PRUNE2: variants seen among roughly 807,000 people sequenced by gnomAD.
The protein encoded by PRUNE2 is prune homolog 2 with BCH domain.
In PRUNE2, 164 loss-of-function variants were observed where a neutral mutation model predicts 252.0. The observed-to-expected ratio is 0.65, with a 90% confidence interval of 0.57 to 0.74. The LOEUF (loss-of-function observed/expected upper bound fraction) is 0.74. PRUNE2 is among the 30% of genes least tolerant of loss of function. The probability of loss-of-function intolerance (pLI) is 0.00; values close to 1 mark genes in which losing one functional copy is unlikely to be tolerated. For missense variants in PRUNE2, 3,495 were observed against 3,711.0 expected, an observed-to-expected ratio of 0.94 and a Z score of 1.51; for synonymous variants, 1,292 against 1,350.2, an observed-to-expected ratio of 0.96 and a Z score of 0.94.
chr9:76,800,842 A>G (rs988190738), intron 6 of PRUNE2, among the ~76,000 whole-genome samples: 1 of 152,202 alleles, frequency 6.6e-6, no homozygotes, highest in Non-Finnish European at 1.5e-5. Context: ...ACTGAATAAC[A>G]TCTGAATAAA....
intron 4 of PRUNE2, among the ~76,000 whole-genome samples, chr9:76,837,805 T>C (rs2059118204): frequency 6.7e-6 from 1 of 149,098 alleles, no homozygotes; most frequent in Admixed American, 6.8e-5. Flanking sequence ...GGAGTCTTGC[T>C]CTGTCGCCCA....
chr9:76,637,416 A>G lies in PRUNE2; in HGVS notation c.8963+2T>C. On this transcript the variant is annotated splice_donor_variant, in intron 14 of 18. Coordinates refer to ENST00000376718, the MANE Select transcript of PRUNE2 (RefSeq NM_015225.3). LOFTEE classifies it high-confidence loss of function. ...AGTGATTAAATAATAGAGCCCACAT[A>G]CCGTCTGTCAATCATCTGGTAGCAT... 3.1e-6 allele frequency: 5 copies of G among 1,613,374 alleles called. No homozygotes were observed. In the East Asian group the frequency reaches 1.1e-4, roughly 36 times the overall value.
chr9:76,659,363 A>G, intron 9 of PRUNE2, among the ~76,000 whole-genome samples: 1 of 152,204 alleles, frequency 6.6e-6, no homozygotes, highest in East Asian at 1.9e-4. Flanking sequence ...TTACGTCTGG[A>G]TTGCTAAAGC....
chr9:76,905,938 T>G lies in PRUNE2; in HGVS notation c.26A>C (p.Lys9Thr). Residue 9 changes from lysine (K) to threonine (T), a missense_variant, in exon 1 of 19, where the codon AAA becomes ACA. Physicochemically the swap from Lys to Thr is moderately conservative, Grantham distance 78. Transcript: ENST00000376718. ...GCTCACTCAACTTACCAGTTTAGAT[T>G]TGGCGCGTTGCAAAAATTCTTCCAT... is the stretch of plus-strand genomic sequence containing the variant. MEEFLQRA[K>T]SKLNRSKRLE... 1 of 1,614,192 alleles carries G rather than the reference T, an allele frequency of 6.2e-7. No homozygotes were observed. The highest frequency in any genetic ancestry group is 8.5e-7 in the Non-Finnish European group (1 of 1,180,024).
chr9:76,858,596 T>C (rs911110355), intron 1 of PRUNE2, among the ~76,000 whole-genome samples: 4 of 151,820 alleles, frequency 2.6e-5, no homozygotes, highest in Non-Finnish European at 4.4e-5. Context: ...CATCACACAC[T>C]GGGGCCTGTC....
Position 76,707,896 on chromosome 9 carries a change from C to T in PRUNE2, c.4378G>A (p.Glu1460Lys), listed in dbSNP as rs2046423853. Residue 1460 changes from glutamate (E) to lysine (K), a missense_variant, in exon 8 of 19, where the codon GAA becomes AAA. Glu to Lys is a moderately conservative substitution (Grantham distance 56, BLOSUM62 1). Transcript: ENST00000376718. ...MNFTKYVSVPEKDLEKTEECN... is the reference protein window; with the variant it reads ...MNFTKYVSVPKKDLEKTEECN... The stretch of plus-strand genomic sequence containing the variant: ...TCTTCAGTTTTCTCAAGATCCTTTT[C>T]AGGTACAGATACATATTTTGTGAAA... The T allele has an allele frequency of 6.2e-7, 1 of 1,613,700 alleles. No homozygotes were observed. The highest frequency in any genetic ancestry group is 1.7e-5 in the Admixed American group (1 of 59,990).
chr9:76,801,606 T>C (rs2056561325), intron 6 of PRUNE2, among the ~76,000 whole-genome samples: 1 of 152,156 alleles, frequency 6.6e-6, no homozygotes, highest in Admixed American at 6.5e-5. Context: ...TTATAATTTA[T>C]TAATTTCCAC....
chr9:76,867,164 C>A (rs1461225688), intron 1 of PRUNE2, among the ~76,000 whole-genome samples: 1 of 152,150 alleles, frequency 6.6e-6, no homozygotes, highest in Non-Finnish European at 1.5e-5. Context: ...TCTCCTCCCC[C>A]ACCAACTGCT....
chr9:76,655,251 C>T (rs1848752790), intron 10 of PRUNE2, among the ~76,000 whole-genome samples, 172 bp downstream of exon 10: 1 of 152,176 alleles, frequency 6.6e-6, no homozygotes, highest in South Asian at 2.1e-4. Context: ...CAAGCCAACT[C>T]TTAAATTAAC....
At chr9:76,690,762 A>C (rs897503626) in intron 9 of PRUNE2, among the ~76,000 whole-genome samples, 8 of 152,358 alleles carry the variant, frequency 5.3e-5, no homozygotes, top group Admixed American at 5.2e-4. Context: ...TTACAAAGCT[A>C]CATCTCACAG....
intron 6 of PRUNE2, among the ~76,000 whole-genome samples, chr9:76,806,565 G>A (rs2056953245): frequency 1.3e-5 from 2 of 150,288 alleles, no homozygotes; most frequent in Admixed American, 1.3e-4. Flanking sequence ...TGGAGTGCAG[G>A]GGTGCCATCT....
intron 6 of PRUNE2, among the ~76,000 whole-genome samples, chr9:76,782,111 G>C (rs1274597452): frequency 6.6e-6 from 1 of 152,154 alleles, no homozygotes; most frequent in Non-Finnish European, 1.5e-5. Flanking sequence ...CTACTGGGGA[G>C]GCTGAGGCAG....
At chr9:76,725,414 T>C (rs1309521737) in intron 6 of PRUNE2, among the ~76,000 whole-genome samples, 1 of 152,238 alleles carries the variant, frequency 6.6e-6, no homozygotes, top group African/African-American at 2.4e-5. Flanking sequence ...TCGTTCTTCA[T>C]GGGCAGATAT....
intron 4 of PRUNE2, among the ~76,000 whole-genome samples, chr9:76,830,198 A>C (rs938407013): frequency 1.3e-5 from 2 of 152,334 alleles, no homozygotes; most frequent in South Asian, 4.1e-4. Flanking sequence ...TGAAAAATAC[A>C]GAGATGAGCT....
intron 11 of PRUNE2, among the ~76,000 whole-genome samples, chr9:76,648,544 T>C (rs1845894310): frequency 6.6e-6 from 1 of 152,108 alleles, no homozygotes; most frequent in African/African-American, 2.4e-5. Flanking sequence ...ATTGCGTAAG[T>C]GAAGGAAGCC....
rs183217204 is a variant in PRUNE2 at position 76,881,112 on chromosome 9, C to T, written c.36+24816G>A. On this transcript the variant is annotated intron_variant, in intron 1 of 18. Coordinates refer to ENST00000376718, the MANE Select transcript of PRUNE2 (RefSeq NM_015225.3). The stretch of plus-strand genomic sequence containing the variant: ...CCTCCCAAGTACCTGGGACTACAGG[C>T]GTGCGCCACCATACCCAGCTAATTT... 4.8e-3 allele frequency among the ~76,000 whole-genome samples: 731 copies of T among 152,186 alleles called. 5 individuals are homozygous for T. Among genetic ancestry groups the T allele is most frequent in the Non-Finnish European group, 7.2e-3 (489 of 68,010 alleles).
At chr9:76,758,031 A>C (rs2051320087) in intron 6 of PRUNE2, among the ~76,000 whole-genome samples, 1 of 152,182 alleles carries the variant, frequency 6.6e-6, no homozygotes, top group Non-Finnish European at 1.5e-5. Context: ...TTTTTTAAAT[A>C]ATAATTTTTT....
chr9:76,866,037 T>TA (rs2060822842), intron 1 of PRUNE2, among the ~76,000 whole-genome samples: 1 of 152,240 alleles, frequency 6.6e-6, no homozygotes, highest in Non-Finnish European at 1.5e-5. Flanking sequence ...ATTCTGAAGA[T>TA]ATAGCAGTTG....
At chr9:76,629,314 A>G (rs1003142172) in intron 15 of PRUNE2, 24 bp from the exon 16 acceptor site, 6 of 1,222,966 alleles carry the variant, frequency 4.9e-6, no homozygotes, top group Non-Finnish European at 6.9e-6. Context: ...AAAGAAAAAA[A>G]TATGTATCAT....
Sources: gnomAD v4.1 joint callset for allele counts (sites outside exome capture counted in the v4.1 genomes callset) on GRCh38, gnomAD v4.1.1 for gene constraint, MANE v1.5 for transcripts, NCBI Gene and HGNC (gene_info 2026-07-23, HGNC 2026-07-21) for gene names.